Variants in DPY19L3 observed in about 807,000 individuals in gnomAD.
DPY19L3 encodes the protein protein C-mannosyl-transferase DPY19L3.
Under a neutral mutation model 92.3 loss-of-function variants are expected in DPY19L3, and 51 were observed. The observed-to-expected ratio is 0.55, with a 90% CI of 0.44 to 0.70. The LOEUF is 0.70. DPY19L3 is among the 30% of genes least tolerant of loss of function. The pLI, the probability that DPY19L3 is intolerant of heterozygous loss-of-function variation, is 0.00. For synonymous variants in DPY19L3, 309 were observed against 315.2 expected, an observed-to-expected ratio of 0.98 and a Z score of 0.21; for missense variants, 706 against 855.9, an observed-to-expected ratio of 0.82 and a Z score of 2.18.
At chr19:32,435,640 C>T (rs1969113762) in intron 4 of DPY19L3, among the ~76,000 whole-genome samples, 1 of 152,028 alleles carries the variant, frequency 6.6e-6, no homozygotes, top group East Asian at 1.9e-4. Flanking sequence ...ACTTTTTTTG[C>T]CAAGGCAGTA....
At chr19:32,466,696 C>G (rs1223758639) in intron 15 of DPY19L3, among the ~76,000 whole-genome samples, 1 of 152,192 alleles carries the variant, frequency 6.6e-6, no homozygotes, top group Non-Finnish European at 1.5e-5. Flanking sequence ...GCAGGTTTTC[C>G]CTGAATAAGG....
At chr19:32,409,307 C>T (rs905534886) in intron 2 of DPY19L3, among the ~76,000 whole-genome samples, 6 of 152,222 alleles carry the variant, frequency 3.9e-5, no homozygotes, top group Non-Finnish European at 8.8e-5. Flanking sequence ...TTGGGATCCA[C>T]GTGCTGTTTT....
At chr19:32,432,108 T>C (rs748016419) in intron 3 of DPY19L3, among the ~76,000 whole-genome samples, 39 of 152,244 alleles carry the variant, frequency 2.6e-4, no homozygotes, top group Non-Finnish European at 4.6e-4. Context: ...CCATTGCTTC[T>C]GTTTTATAGT....
intron 3 of DPY19L3, among the ~76,000 whole-genome samples, chr19:32,420,639 G>A (rs939552021): frequency 1.3e-5 from 2 of 151,910 alleles, no homozygotes; most frequent in African/African-American, 2.4e-5. Flanking sequence ...TAGTAGAGAC[G>A]AGGTTTTGCC....
rs567818901 is a variant in DPY19L3, at chr19:32,420,353, G to A, written c.237+8981G>A. 5.9e-5 allele frequency among the ~76,000 whole-genome samples: 9 copies of A among 152,232 alleles called. No individual in the cohort carries two copies. The South Asian group carries it at 1.7e-3, about 28-fold the overall frequency. On this transcript the variant is annotated intron_variant, in intron 3 of 18. Coordinates refer to ENST00000392250, the MANE Select transcript of DPY19L3 (RefSeq NM_001172774.2). ...ACTAGAACCAAAGGACATGACTTCCGGAGCTTGCCTTCAAGGATACGATAT... is the reference window on the plus strand; with the variant it reads ...ACTAGAACCAAAGGACATGACTTCCAGAGCTTGCCTTCAAGGATACGATAT...
At chr19:32,442,494 T>C (rs1969355448) in intron 8 of DPY19L3, among the ~76,000 whole-genome samples, 1 of 152,126 alleles carries the variant, frequency 6.6e-6, no homozygotes, top group African/African-American at 2.4e-5. Flanking sequence ...TTGAAAAACC[T>C]TAGACAGTAT....
At chr19:32,436,911 C>T (rs1020305317) in intron 5 of DPY19L3, among the ~76,000 whole-genome samples, 1 of 151,870 alleles carries the variant, frequency 6.6e-6, no homozygotes, top group Non-Finnish European at 1.5e-5. Context: ...TCACAATGAC[C>T]ACTTCTCATG....
At position 32,461,305 on chromosome 19, in the gene DPY19L3, T is replaced by C. The variant is rs76970253; in HGVS notation, c.1323-2061T>C. ...TGCACCCTGCCAGATACTATGACTTTTATGTAGACATCTGCATTAGTGTGA... is the reference window on the plus strand; with the variant it reads ...TGCACCCTGCCAGATACTATGACTTCTATGTAGACATCTGCATTAGTGTGA... On this transcript the variant is annotated intron_variant, in intron 12 of 18. Coordinates refer to ENST00000392250, the MANE Select transcript of DPY19L3 (RefSeq NM_001172774.2). Among the ~76,000 whole-genome samples the C allele has an allele frequency of 2.9e-3, 442 of 152,304 alleles. 6 individuals are homozygous for C. Among genetic ancestry groups the C allele is most frequent in the Admixed American group, 0.024 (364 of 15,286 alleles).
chr19:32,450,271 TTGA>T lies in DPY19L3; in HGVS notation c.856-2865_856-2863del, dbSNP rs1435514037. Among the ~76,000 whole-genome samples, 14 of 152,144 alleles carry T rather than the reference TTGA, an allele frequency of 9.2e-5. 1 individual carries two copies. The highest frequency in any genetic ancestry group is 3.3e-4 in the Admixed American group (5 of 15,270). On this transcript the variant is annotated intron_variant, in intron 8 of 18. Transcript: ENST00000392250. ...GTGAAGAAATCAGAACTCTCATACA[TTGA>T]TGATGATGGGATTATAAGATGGTGT...
chr19:32,451,132 C>T (rs139032316), intron 8 of DPY19L3, among the ~76,000 whole-genome samples: 57 of 152,186 alleles, frequency 3.7e-4, no homozygotes, highest in Non-Finnish European at 6.2e-4. Flanking sequence ...TAATAAAAAG[C>T]CAGAAACACC....
chr19:32,466,993 T>G (rs1970220804), intron 15 of DPY19L3, among the ~76,000 whole-genome samples: 1 of 152,218 alleles, frequency 6.6e-6, no homozygotes, highest in African/African-American at 2.4e-5. Flanking sequence ...ACATTGCAAT[T>G]GTAGTTAGAG....
Position 32,483,025 on chromosome 19 carries a change from C to T in DPY19L3, c.*785C>T, listed in dbSNP as rs886766766. ...TATTATTTTAAAACTTACTGATACT[C>T]TTTAACCTCTCCTGCAGTAATAGTT... is the stretch of plus-strand genomic sequence containing the variant. On this transcript the variant is annotated 3_prime_UTR_variant, in exon 19 of 19. Coordinates refer to ENST00000392250, the MANE Select transcript of DPY19L3 (RefSeq NM_001172774.2). 1 of 152,180 alleles carries T rather than the reference C, an allele frequency of 6.6e-6. No individual in the cohort carries two copies. The highest frequency in any genetic ancestry group is 1.5e-5 in the Non-Finnish European group (1 of 68,034). The allele number at this position is 152,180 out of a possible 1,614,324, so 9.4% of individuals were successfully genotyped here.
At chr19:32,414,988 A>G (rs2052291576) in intron 3 of DPY19L3, among the ~76,000 whole-genome samples, 1 of 152,240 alleles carries the variant, frequency 6.6e-6, no homozygotes, top group African/African-American at 2.4e-5. Context: ...ACATGGAAGG[A>G]ATAACAAAGA....
Position 32,463,444 on chromosome 19 carries a change from A to C in DPY19L3, c.1401A>C (p.Leu467Phe). 6.2e-7 allele frequency: 1 copy of C among 1,613,842 alleles called. No homozygotes were observed. The highest frequency in any genetic ancestry group is 8.5e-7 in the Non-Finnish European group (1 of 1,179,822). ...VDLKPETAYN[L>F]IHTILFGFLA... is the part of the protein sequence containing the mutation. ...TGAAACCAGAAACTGCCTACAACTT[A>C]ATACATACCATTCTGTTTGGATTCT... The change falls in exon 13 of 19, where the codon TTA becomes TTC. Residue 467 changes from leucine (L) to phenylalanine (F), a missense_variant. Physicochemically the swap from Leu to Phe is conservative, Grantham distance 22. Coordinates refer to ENST00000392250, the MANE Select transcript of DPY19L3 (RefSeq NM_001172774.2).
chr19:32,464,248 T>G (rs975924918), intron 14 of DPY19L3, among the ~76,000 whole-genome samples: 2 of 152,146 alleles, frequency 1.3e-5, no homozygotes, highest in Admixed American at 1.3e-4. Context: ...GAATTAAAAT[T>G]ACCAATAATC....
chr19:32,420,287 A>T (rs1016656254), intron 3 of DPY19L3, among the ~76,000 whole-genome samples: 1 of 152,134 alleles, frequency 6.6e-6, no homozygotes, highest in Non-Finnish European at 1.5e-5. Context: ...TAGGCAGAGG[A>T]AAAGGGGAGG....
chr19:32,446,461 C>G (rs1332664897), intron 8 of DPY19L3, among the ~76,000 whole-genome samples: 1 of 152,062 alleles, frequency 6.6e-6, no homozygotes, highest in Admixed American at 6.6e-5. Flanking sequence ...CATGACCCAG[C>G]TGTTGTCTAA....
At chr19:32,480,757 G>A in intron 18 of DPY19L3, 200 bp downstream of exon 18, 1 of 699,406 alleles carries the variant, frequency 1.4e-6, no homozygotes, top group Non-Finnish European at 2.3e-6. Context: ...CAAGGGAGAG[G>A]TGAGAGGGGA....
At chr19:32,426,233 G>C (rs139940456) in intron 3 of DPY19L3, among the ~76,000 whole-genome samples, 20 of 152,356 alleles carry the variant, frequency 1.3e-4, no homozygotes, top group African/African-American at 4.3e-4. Flanking sequence ...GAATTGAAGA[G>C]AGGGCCTTGC....
Sources: allele counts gnomAD v4.1 joint callset (sites outside exome capture counted in the v4.1 genomes callset), GRCh38; gene constraint gnomAD v4.1.1; transcripts MANE v1.5; gene names NCBI Gene and HGNC (gene_info 2026-07-23, HGNC 2026-07-21).